CLNK: variants seen among roughly 807,000 people sequenced by gnomAD.
CLNK encodes cytokine-dependent hematopoietic cell linker.
CLNK carries 74 observed loss-of-function variants against 68.6 expected under a neutral mutation model. The observed-to-expected ratio is 1.08, with a 90% CI of 0.89 to 1.31. The LOEUF is 1.31. Ranked by LOEUF, CLNK falls within the 50% of genes most tolerant of loss-of-function variation. CLNK has a pLI of 0.00. For missense variants in CLNK, 553 were observed against 515.3 expected (o/e 1.07, Z -0.71); for synonymous variants, 198 against 172.2 (o/e 1.15, Z -1.17).
At chr4:10,711,311 A>G in the CLNK span, among the ~76,000 whole-genome samples, 1 of 152,222 alleles carries the variant, frequency 6.6e-6, no homozygotes, top group Non-Finnish European at 1.5e-5. Flanking sequence ...CATAAGAAAC[A>G]TCAATTTCCC....
intron 4 of CLNK, among the ~76,000 whole-genome samples, chr4:10,578,801 A>C (rs1277096503): frequency 6.6e-6 from 1 of 151,872 alleles, no homozygotes; most frequent in Non-Finnish European, 1.5e-5. Flanking sequence ...TGAACTGCTA[A>C]CTTCAAGTAA....
chr4:10,537,637 C>CTCTTTCTT (rs57141867), intron 11 of CLNK, among the ~76,000 whole-genome samples: 134 of 76,228 alleles, frequency 1.8e-3, no homozygotes, highest in African/African-American at 6.4e-3. Context: ...TTCTTTCTTT[C>CTCTTTCTT]TCTTTCTTTC....
At chr4:10,654,985 C>T (rs1342556374) in intron 2 of CLNK, among the ~76,000 whole-genome samples, 1 of 151,302 alleles carries the variant, frequency 6.6e-6, no homozygotes, top group Non-Finnish European at 1.5e-5. Context: ...CCTGTAGTCC[C>T]ACCTACTAGG....
At chr4:10,597,560 A>G (rs1721432848) in intron 3 of CLNK, among the ~76,000 whole-genome samples, 1 of 152,206 alleles carries the variant, frequency 6.6e-6, no homozygotes, top group Non-Finnish European at 1.5e-5. Context: ...TGAAGGACAA[A>G]GGAAATAACA....
At chr4:10,714,718 G>A in the CLNK span, among the ~76,000 whole-genome samples, 31 of 151,740 alleles carry the variant, frequency 2.0e-4, no homozygotes, top group Admixed American at 1.9e-3. Context: ...GTGTGCGTGT[G>A]AGTAGCTTAT....
intron 11 of CLNK, among the ~76,000 whole-genome samples, chr4:10,536,082 C>G (rs1294612010): frequency 6.6e-6 from 1 of 152,170 alleles, no homozygotes; most frequent in Non-Finnish European, 1.5e-5. Context: ...CTGGCAGAGA[C>G]AAATGGGGCC....
the CLNK span, among the ~76,000 whole-genome samples, chr4:10,727,966 G>A: frequency 0.065 from 9,913 of 152,214 alleles, 434 homozygotes; most frequent in East Asian, 0.11. Context: ...CTGTGCTCAA[G>A]GTTGAGAACC....
chr4:10,692,499 C>G, the CLNK span, among the ~76,000 whole-genome samples: 3 of 152,116 alleles, frequency 2.0e-5, no homozygotes, highest in Non-Finnish European at 2.9e-5. Context: ...TGAGTGGCAA[C>G]GTGGCTCCCT....
At chr4:10,593,372 A>T (rs1721259053) in intron 3 of CLNK, among the ~76,000 whole-genome samples, 1 of 152,094 alleles carries the variant, frequency 6.6e-6, no homozygotes, top group Non-Finnish European at 1.5e-5. Flanking sequence ...GGAGGACTCC[A>T]GGCGGGGCAC....
At chr4:10,556,543 A>G (rs1163925994) in intron 8 of CLNK, among the ~76,000 whole-genome samples, 3 of 152,242 alleles carry the variant, frequency 2.0e-5, no homozygotes, top group Non-Finnish European at 4.4e-5. Flanking sequence ...GTGGATGCCC[A>G]TAGTGAACTA....
chr4:10,717,113 A>T, the CLNK span, among the ~76,000 whole-genome samples: 1 of 152,120 alleles, frequency 6.6e-6, no homozygotes. Context: ...GGGGCCCCAA[A>T]TGCCCAGCTG....
chr4:10,523,949 C>A, intron 14 of CLNK: 2 of 390,822 alleles, frequency 5.1e-6, no homozygotes, highest in Admixed American at 2.8e-5. Flanking sequence ...CACTTGAGCC[C>A]GGGAGGTCAA....
At chr4:10,727,483 AG>A in the CLNK span, among the ~76,000 whole-genome samples, 2 of 152,222 alleles carry the variant, frequency 1.3e-5, no homozygotes, top group Non-Finnish European at 2.9e-5. Context: ...CCTGCTTCAT[AG>A]TTTCCTCCTC....
chr4:10,582,367 T>C (rs1176947532), intron 4 of CLNK, among the ~76,000 whole-genome samples: 3 of 152,244 alleles, frequency 2.0e-5, no homozygotes, highest in Non-Finnish European at 4.4e-5. Context: ...CCTTGAAGAC[T>C]GCTTTCCTTA....
Position 10,525,908 on chromosome 4 carries a change from T to A in CLNK, c.664A>T (p.Arg222Trp). Residue 222 changes from arginine to tryptophan, a missense_variant, in exon 14 of 19, where the codon AGG becomes TGG. Transcript: ENST00000226951. The part of the protein sequence containing the change: ...LEAEKVPHNQ[R>W]KPESTHLLEN... ...AACAGATGAGTTGATTCAGGCTTCC[T>A]CTGGTTATGAGGAACTATATAAAAC... 1 of 1,570,870 alleles carries A rather than the reference T, an allele frequency of 6.4e-7. No homozygotes were observed. Among genetic ancestry groups the A allele is most frequent in the Non-Finnish European group, 8.7e-7 (1 of 1,154,670 alleles).
intron 8 of CLNK, among the ~76,000 whole-genome samples, chr4:10,548,998 G>A (rs894419706): frequency 6.6e-6 from 1 of 152,154 alleles, no homozygotes; most frequent in African/African-American, 2.4e-5. Flanking sequence ...GGTCTTTTGT[G>A]TTACTCAGGG....
rs767941185 is a variant in CLNK, at chr4:10,487,862, C to G, written c.*2605G>C. On this transcript the variant is annotated 3_prime_UTR_variant, in exon 19 of 19. Transcript: ENST00000226951. Reference sequence around the variant, plus strand: ...CCTCTCACAGGTGGGAGCCTGAAAGCCCACCCCATACCCATACTTCTGTTT... The same window carrying G: ...CCTCTCACAGGTGGGAGCCTGAAAGGCCACCCCATACCCATACTTCTGTTT... The G allele has an allele frequency of 6.6e-6, 1 of 152,074 alleles. No individual in the cohort carries two copies. The highest frequency in any genetic ancestry group is 1.5e-5 in the Non-Finnish European group (1 of 68,038). The allele number at this position is 152,074 out of a possible 1,614,324, so 9.4% of individuals were successfully genotyped here.
intron 2 of CLNK, among the ~76,000 whole-genome samples, chr4:10,640,285 C>A (rs888038114): frequency 3.3e-5 from 5 of 152,200 alleles, no homozygotes; most frequent in Non-Finnish European, 7.3e-5. Flanking sequence ...CTGCCTTGGC[C>A]TCCCAAGTAG....
chr4:10,600,466 A>G (rs1280527258), intron 2 of CLNK, among the ~76,000 whole-genome samples: 1 of 152,182 alleles, frequency 6.6e-6, no homozygotes, highest in Non-Finnish European at 1.5e-5. Flanking sequence ...TTTTTAGTGT[A>G]TTTAGGGAGC....
Sources: allele counts gnomAD v4.1 joint callset (sites outside exome capture counted in the v4.1 genomes callset), GRCh38; gene constraint gnomAD v4.1.1; transcripts MANE v1.5; gene names NCBI Gene and HGNC (gene_info 2026-07-23, HGNC 2026-07-21).